The following NARS1 variants were observed in gnomAD, a reference collection of about 807,000 sequenced individuals.
The protein encoded by NARS1 is asparagine--tRNA ligase, cytoplasmic.
NARS1 carries 65 observed loss-of-function variants against 79.2 expected under a neutral mutation model. That is an observed-to-expected ratio of 0.82 (90% CI 0.67 to 1.01). The LOEUF is 1.01. Among genes scored for constraint, NARS1 ranks in the 50% least tolerant of loss-of-function variants. The pLI, the probability that NARS1 is intolerant of heterozygous loss-of-function variation, is 0.00. For missense variants in NARS1, 649 were observed against 673.8 expected (o/e 0.96, Z 0.41); for synonymous variants, 229 against 238.8 (o/e 0.96, Z 0.38).
intron 11 of NARS1, 71 bp from the exon 12 acceptor site, chr18:57,603,014 C>A: frequency 6.7e-7 from 1 of 1,486,290 alleles, no homozygotes; most frequent in Non-Finnish European, 9.3e-7. Flanking sequence ...CTCCTTCACC[C>A]TGTACCAGTC....
At chr18:57,611,580 T>C in intron 6 of NARS1, 57 bp downstream of exon 6, 1 of 1,157,324 alleles carries the variant, frequency 8.6e-7, no homozygotes, top group Non-Finnish European at 1.2e-6. Flanking sequence ...TACAAAACAA[T>C]AAAGGAATCT....
intron 11 of NARS1, 34 bp downstream of exon 11, chr18:57,605,823 C>T (rs368602644): frequency 2.7e-5 from 38 of 1,430,332 alleles, no homozygotes; most frequent in Non-Finnish European, 3.4e-5. Context: ...AGCCCAATCC[C>T]ACCTTGGAAA....
At chr18:57,612,269 G>A (rs915351522) in intron 5 of NARS1, among the ~76,000 whole-genome samples, 24 of 152,206 alleles carry the variant, frequency 1.6e-4, no homozygotes, top group African/African-American at 3.9e-4. Flanking sequence ...CATGAGTTAA[G>A]GGATTATGCC....
At chr18:57,614,412 G>A (rs2122448756) in intron 4 of NARS1, among the ~76,000 whole-genome samples, 1 of 152,174 alleles carries the variant, frequency 6.6e-6, no homozygotes, top group Admixed American at 6.5e-5. Flanking sequence ...GAGGCAGGAG[G>A]ATCACTTGAA....
In NARS1 at chr18:57,615,628, TAAAC is replaced by T. The variant is rs767136193; in HGVS notation, c.342+9_342+12del. ...GCCAAGTCCACGGTATTTGAAAAGATAAACAAACTTACACATTTTGGCTCTGGGA... is the reference window on the plus strand; with the variant it reads ...GCCAAGTCCACGGTATTTGAAAAGATAAACTTACACATTTTGGCTCTGGGA... On this transcript the variant is annotated intron_variant, in intron 4 of 13. Transcript: ENST00000256854. 4.4e-6 allele frequency: 7 copies of T among 1,574,992 alleles called. No individual in the cohort carries two copies. The highest frequency in any genetic ancestry group is 2.2e-5 in the East Asian group (1 of 44,684).
At chr18:57,607,411 A>G (rs1176520969) in intron 8 of NARS1, 33 bp downstream of exon 8, 1 of 1,610,542 alleles carries the variant, frequency 6.2e-7, no homozygotes, top group Admixed American at 1.7e-5. Context: ...CAAAAAACAT[A>G]TTCTTTGCAA....
At position 57,602,433 on chromosome 18, in the gene NARS1, G is replaced by C; in HGVS notation, c.1437C>G (p.Ile479Met). 1.2e-6 allele frequency: 2 copies of C among 1,613,746 alleles called. No individual in the cohort carries two copies. The highest frequency in any genetic ancestry group is 1.7e-6 in the Non-Finnish European group (2 of 1,179,734). The change falls in exon 13 of 14, where the codon ATC becomes ATG. Residue 479 changes from isoleucine (I) to methionine (M), a missense_variant. Ile to Met is a conservative substitution (Grantham distance 10, BLOSUM62 1). Coordinates refer to ENST00000256854, the MANE Select transcript of NARS1 (RefSeq NM_004539.4). Reference protein sequence around the residue: ...VGEIVGGSMRIFDSEEILAGY... With the variant: ...VGEIVGGSMRMFDSEEILAGY... ...CTGCCAGTATTTCTTCACTATCAAA[G>C]ATACGCATTGAGCCTCCCACAATCT...
intron 7 of NARS1, among the ~76,000 whole-genome samples, chr18:57,608,654 A>G (rs369026712): frequency 2.7e-3 from 408 of 152,286 alleles, no homozygotes; most frequent in African/African-American, 9.6e-3. Context: ...TGAGTTGTAC[A>G]ATGTACATAT....
intron 4 of NARS1, 33 bp from the exon 5 acceptor site, chr18:57,613,713 T>C: frequency 6.4e-7 from 1 of 1,556,756 alleles, no homozygotes; most frequent in Non-Finnish European, 8.8e-7. Flanking sequence ...ATTTGTTCAA[T>C]AATGTCATTT....
chr18:57,618,289 C>CAAAAAAAAAA (rs34320460), intron 2 of NARS1, among the ~76,000 whole-genome samples: 3 of 122,852 alleles, frequency 2.4e-5, no homozygotes, highest in African/African-American at 9.5e-5. Flanking sequence ...AACTCTGTCT[C>CAAAAAAAAAA]AAAAAAAAAA....
chr18:57,603,086 G>C lies in NARS1; in HGVS notation c.1252-143C>G, dbSNP rs6566889. 6.6e-3 allele frequency: 4,086 copies of C among 622,332 alleles called. 131 individuals are homozygous for C. The African/African-American group carries it at 0.07, about 11-fold the overall frequency. 38.6% of individuals were successfully genotyped at this position (622,332 alleles called of 1,614,324 possible). On this transcript the variant is annotated intron_variant, in intron 11 of 13. Coordinates refer to ENST00000256854, the MANE Select transcript of NARS1 (RefSeq NM_004539.4). ...ACCTACCCTTAACCCATACACATTTGTGTAAAGAATAATTTCTTTCAAAAA... is the reference window on the plus strand; with the variant it reads ...ACCTACCCTTAACCCATACACATTTCTGTAAAGAATAATTTCTTTCAAAAA...
At chr18:57,602,007 A>G (rs959572004) in intron 13 of NARS1, among the ~76,000 whole-genome samples, 7 of 152,200 alleles carry the variant, frequency 4.6e-5, no homozygotes, top group Admixed American at 6.5e-5. Flanking sequence ...CAACCAGGGA[A>G]TAAGTACTAC....
intron 6 of NARS1, 25 bp downstream of exon 6, chr18:57,611,612 G>A: frequency 1.3e-6 from 2 of 1,497,704 alleles, no homozygotes; most frequent in Non-Finnish European, 9.1e-7. Flanking sequence ...CTAATTTTCA[G>A]GCATAAATAA....
At chr18:57,605,121 G>T in intron 11 of NARS1, among the ~76,000 whole-genome samples, 1 of 125,434 alleles carries the variant, frequency 8.0e-6, no homozygotes, top group African/African-American at 3.2e-5. Flanking sequence ...ACATTCTCCA[G>T]AAAAAAAAAA....
rs397944434 is a variant in NARS1 at position 57,608,458 on chromosome 18, A to AC, written c.580-794dup. Among the ~76,000 whole-genome samples the AC allele has an allele frequency of 4.4e-4, 67 of 150,682 alleles. 1 individual carries two copies. The highest frequency in any genetic ancestry group is 1.6e-3 in the African/African-American group (66 of 41,072). ...GTCTCAAAAAAAAAAAAAAAAAAAA[A>AC]CAATAAAAACAGGCTCAAATTCTAA... On this transcript the variant is annotated intron_variant, in intron 7 of 13. Transcript: ENST00000256854.
rs142067552 is a variant in NARS1, at chr18:57,607,498, T to C, written c.747A>G (p.Arg249=). The C allele has an allele frequency of 6.1e-5, 98 of 1,614,062 alleles. No homozygotes were observed. The highest frequency in any genetic ancestry group is 8.1e-5 in the Non-Finnish European group (95 of 1,180,038). ...CTCTAAAGCACCTGGTGACCATGGA[T>C]CGTGCTTTTAGGATTTTGGACATGT... ...GENMSKILKA[R]SMVTRCFRDH... is the part of the protein sequence containing the mutation. The change falls in exon 8 of 14, where the codon CGA becomes CGG. Residue 249 remains arginine, a synonymous_variant. Coordinates refer to ENST00000256854, the MANE Select transcript of NARS1 (RefSeq NM_004539.4).
chr18:57,602,756 A>G (rs1242585708), intron 12 of NARS1, 56 bp downstream of exon 12: 19 of 1,565,182 alleles, frequency 1.2e-5, no homozygotes, highest in Admixed American at 1.7e-5. Flanking sequence ...TCCAGATGAC[A>G]GTCCCCACCC....
chr18:57,615,081 T>C (rs2051637077), intron 4 of NARS1, among the ~76,000 whole-genome samples: 1 of 151,990 alleles, frequency 6.6e-6, no homozygotes, highest in African/African-American at 2.4e-5. Flanking sequence ...CTTGGGAGGA[T>C]CGTTAGAGCC....
intron 4 of NARS1, among the ~76,000 whole-genome samples, chr18:57,614,914 G>A (rs1008923636): frequency 1.3e-5 from 2 of 152,188 alleles, no homozygotes; most frequent in Non-Finnish European, 1.5e-5. Flanking sequence ...GGTGGCTCAC[G>A]CCTGTATTCC....
Sources: allele counts gnomAD v4.1 joint callset (sites outside exome capture counted in the v4.1 genomes callset), GRCh38; gene constraint gnomAD v4.1.1; transcripts MANE v1.5; gene names NCBI Gene and HGNC (gene_info 2026-07-23, HGNC 2026-07-21).